TMEM181: variants seen among roughly 807,000 people sequenced by gnomAD.
TMEM181 encodes transmembrane protein 181.
Under a neutral mutation model 71.9 loss-of-function variants are expected in TMEM181, and 39 were observed. That is an observed-to-expected ratio of 0.54 (90% CI 0.42 to 0.71). TMEM181 has a LOEUF of 0.71. Among genes scored for constraint, TMEM181 ranks in the 30% least tolerant of loss-of-function variants. TMEM181 has a pLI of 0.00. For missense variants in TMEM181, 595 were observed against 583.0 expected (o/e 1.02, Z -0.21); for synonymous variants, 245 against 228.8 (o/e 1.07, Z -0.64).
At chr6:158,571,445 A>ATCTGCCCGCCTTG (rs1782832171) in intron 1 of TMEM181, among the ~76,000 whole-genome samples, 1 of 133,098 alleles carries the variant, frequency 7.5e-6, no homozygotes, top group African/African-American at 2.8e-5. Context: ...TACAGGCCTG[A>ATCTGCCCGCCTTG]GCCACCACGC....
intron 1 of TMEM181, among the ~76,000 whole-genome samples, chr6:158,571,062 G>A (rs1335737780): frequency 6.6e-6 from 1 of 150,622 alleles, no homozygotes; most frequent in East Asian, 1.9e-4. Flanking sequence ...ACAGGCATGT[G>A]CCACCACACC....
chr6:158,592,628 G>A (rs148590974), intron 6 of TMEM181, among the ~76,000 whole-genome samples: 2 of 152,134 alleles, frequency 1.3e-5, no homozygotes, highest in African/African-American at 4.8e-5. Context: ...ACTAATAGCT[G>A]TAGTAGTTCA....
chr6:158,604,916 A>G (rs1298373780), intron 6 of TMEM181, among the ~76,000 whole-genome samples: 1 of 152,126 alleles, frequency 6.6e-6, no homozygotes, highest in Non-Finnish European at 1.5e-5. Flanking sequence ...ATAAAAAAGT[A>G]AACTGTACTA....
intron 5 of TMEM181, among the ~76,000 whole-genome samples, chr6:158,587,080 A>G (rs1398623760): frequency 6.6e-6 from 1 of 152,172 alleles, no homozygotes; most frequent in Non-Finnish European, 1.5e-5. Context: ...GGCTCAATGG[A>G]CCATTAGTCA....
intron 1 of TMEM181, among the ~76,000 whole-genome samples, chr6:158,550,233 C>CG (rs1781674272): frequency 6.6e-6 from 1 of 151,740 alleles, no homozygotes; most frequent in Non-Finnish European, 1.5e-5. Context: ...GGCTAAGAGA[C>CG]AGGGTTTCAC....
intron 10 of TMEM181, among the ~76,000 whole-genome samples, chr6:158,614,538 C>T (rs929927599): frequency 2.0e-5 from 3 of 152,112 alleles, no homozygotes; most frequent in South Asian, 2.1e-4. Context: ...GCACAACGTG[C>T]AGGTTTGTTA....
At chr6:158,564,980 C>T (rs1192639892) in intron 1 of TMEM181, among the ~76,000 whole-genome samples, 5 of 152,178 alleles carry the variant, frequency 3.3e-5, no homozygotes, top group African/African-American at 1.2e-4. Context: ...CAGAAGTTCT[C>T]GGTCTTACCC....
chr6:158,558,827 T>C (rs548321797), upstream of TMEM181, among the ~76,000 whole-genome samples: 1 of 152,166 alleles, frequency 6.6e-6, no homozygotes, highest in East Asian at 1.9e-4. Context: ...GGCTCCGGGG[T>C]TGGGGACCCC....
chr6:158,560,012 GCCCCGCTTCCACCGCGCCGCGC>G, upstream of TMEM181: 2 of 982,280 alleles, frequency 2.0e-6, no homozygotes, highest in Non-Finnish European at 2.4e-6. Context: ...CGCGCCCGCG[GCCCCGCTTCCACCGCGCCGCGC>G]CCTCTTCCGC....
At chr6:158,573,989 C>T (rs1440797041) in intron 2 of TMEM181, among the ~76,000 whole-genome samples, 1 of 151,968 alleles carries the variant, frequency 6.6e-6, no homozygotes, top group African/African-American at 2.4e-5. Flanking sequence ...TAGGCCAATC[C>T]CCTTTCTCAT....
intron 2 of TMEM181, 91 bp from the exon 3 acceptor site, chr6:158,580,849 T>G: frequency 8.5e-7 from 1 of 1,170,122 alleles, no homozygotes; most frequent in East Asian, 2.4e-5. Context: ...CATCTCCGTG[T>G]AATGTGTGAG....
At chr6:158,603,152 T>C (rs542498873) in intron 6 of TMEM181, among the ~76,000 whole-genome samples, 14 of 152,298 alleles carry the variant, frequency 9.2e-5, no homozygotes, top group African/African-American at 3.1e-4. Flanking sequence ...AAATACTTTT[T>C]TTGTCCTTCT....
At chr6:158,549,997 CT>C (rs1481731907) in intron 1 of TMEM181, among the ~76,000 whole-genome samples, 10 of 110,444 alleles carry the variant, frequency 9.1e-5, no homozygotes, top group Non-Finnish European at 5.3e-5. Context: ...CACTTTGATT[CT>C]GATAATTTTC....
Position 158,570,564 on chromosome 6 carries a change from A to C in TMEM181, c.9-2856A>C, listed in dbSNP as rs74298036. Among the ~76,000 whole-genome samples the C allele has an allele frequency of 0.013, 1,904 of 152,102 alleles. 232 individuals are homozygous for C. The East Asian group carries it at 0.28, about 22-fold the overall frequency. On this transcript the variant is annotated intron_variant, in intron 1 of 16. Transcript: ENST00000684151. ...CCCCGTACACTCTTCTTCAATTCACAGGTGGGGAAACAGGTCTGGAGTCAG... is the reference window on the plus strand; with the variant it reads ...CCCCGTACACTCTTCTTCAATTCACCGGTGGGGAAACAGGTCTGGAGTCAG...
In TMEM181 at chr6:158,625,694, C is replaced by G. The variant is rs1166667690; in HGVS notation, c.1058-9C>G. 6.2e-7 allele frequency: 1 copy of G among 1,605,110 alleles called. No individual in the cohort carries two copies. Among genetic ancestry groups the G allele is most frequent in the Non-Finnish European group, 8.5e-7 (1 of 1,177,460 alleles). On this transcript the variant is annotated splice_polypyrimidine_tract_variant and intron_variant, in intron 12 of 16. Coordinates refer to ENST00000684151, the MANE Select transcript of TMEM181 (RefSeq NM_001376852.1). ...TCCAGAGTTGTTAATGAGTTTCTTT[C>G]TTTTTCAGATCTCAGGTTGAAATTT... is the stretch of plus-strand genomic sequence containing the variant.
upstream of TMEM181, among the ~76,000 whole-genome samples, chr6:158,558,108 A>C (rs764745788): frequency 2.6e-5 from 4 of 152,202 alleles, no homozygotes; most frequent in Non-Finnish European, 5.9e-5. Context: ...AGGAATTGCC[A>C]GGAGGTAGTT....
chr6:158,569,335 G>C (rs1782677612), intron 1 of TMEM181, among the ~76,000 whole-genome samples: 1 of 152,236 alleles, frequency 6.6e-6, no homozygotes, highest in Non-Finnish European at 1.5e-5. Flanking sequence ...GGAAGCCAGG[G>C]CCTGGCGCCC....
chr6:158,619,300 G>C (rs992180972), intron 10 of TMEM181, among the ~76,000 whole-genome samples: 1 of 152,148 alleles, frequency 6.6e-6, no homozygotes, highest in African/African-American at 2.4e-5. Context: ...ACTGAAGCTT[G>C]TGCATGCGTC....
chr6:158,607,505 C>A (rs1381143460), intron 8 of TMEM181, among the ~76,000 whole-genome samples, 162 bp downstream of exon 8: 1 of 152,062 alleles, frequency 6.6e-6, no homozygotes. Flanking sequence ...TAGCAAGACT[C>A]TACAAAAAAT....
Sources: allele counts gnomAD v4.1 joint callset (sites outside exome capture counted in the v4.1 genomes callset), GRCh38; gene constraint gnomAD v4.1.1; transcripts MANE v1.5; gene names NCBI Gene and HGNC (gene_info 2026-07-23, HGNC 2026-07-21).